The following DLGAP4 variants were observed in gnomAD, a reference collection of about 807,000 sequenced individuals.
DLGAP4 encodes DLG associated protein 4, also known as disks large-associated protein 4.
DLGAP4 carries 18 observed loss-of-function variants against 86.9 expected under a neutral mutation model. The observed-to-expected ratio is 0.21, with a 90% CI of 0.14 to 0.31. The LOEUF (loss-of-function observed/expected upper bound fraction) is 0.31, where lower values mean the gene tolerates loss of function less well. DLGAP4 is among the 10% of genes least tolerant of loss of function. The pLI, the probability that DLGAP4 is intolerant of heterozygous loss-of-function variation, is 1.00. For synonymous variants in DLGAP4, 548 were observed against 574.3 expected, an observed-to-expected ratio of 0.95 and a Z score of 0.65; for missense variants, 1,085 against 1,362.6, an observed-to-expected ratio of 0.80 and a Z score of 3.21.
intron 7 of DLGAP4, among the ~76,000 whole-genome samples, chr20:36,476,501 A>G (rs142708746): frequency 0.015 from 2,159 of 141,178 alleles, 27 homozygotes; most frequent in South Asian, 0.027. Flanking sequence ...CTAATTTTTT[A>G]TATTTTTAGT....
intron 2 of DLGAP4, among the ~76,000 whole-genome samples, chr20:36,377,945 A>G (rs1709335649): frequency 1.3e-5 from 2 of 152,328 alleles, no homozygotes; most frequent in South Asian, 4.1e-4. Flanking sequence ...CCCAGGCTCA[A>G]CGACTTCCGT....
rs572862353 is a variant in DLGAP4 at position 36,462,290 on chromosome 20, T to A, written c.1648+15353T>A. 1.2e-4 allele frequency: 156 copies of A among 1,321,328 alleles called. 2 individuals are homozygous for A. The South Asian group carries it at 2.5e-3, about 21-fold the overall frequency. 81.9% of individuals were successfully genotyped at this position (1,321,328 alleles called of 1,614,324 possible). On this transcript the variant is annotated intron_variant, in intron 7 of 12. Transcript: ENST00000339266. ...CCCCTGTCGCTGTCTCTCCTTGTTC[T>A]CTCTCAGGTCTCCGAGCACCCCCAC...
At chr20:36,399,290 G>A (rs1227159932) in intron 2 of DLGAP4, among the ~76,000 whole-genome samples, 1 of 152,210 alleles carries the variant, frequency 6.6e-6, no homozygotes, top group East Asian at 1.9e-4. Context: ...CAAGAGAATT[G>A]GGTTCCAGTG....
At chr20:36,499,503 A>G (rs773248811) in intron 8 of DLGAP4, 85 bp from the exon 9 acceptor site, 278 of 1,456,830 alleles carry the variant, frequency 1.9e-4, no homozygotes, top group Non-Finnish European at 2.1e-4. Context: ...CGTCCCACTA[A>G]TGTGAATTTC....
chr20:36,348,020 A>G (rs925274263), intron 1 of DLGAP4, among the ~76,000 whole-genome samples: 2 of 152,072 alleles, frequency 1.3e-5, no homozygotes, highest in African/African-American at 2.4e-5. Flanking sequence ...AGCTCCACCC[A>G]TCTTATCCAC....
At chr20:36,446,621 A>G in intron 6 of DLGAP4, 76 bp from the exon 7 acceptor site, 1 of 1,422,962 alleles carries the variant, frequency 7.0e-7, no homozygotes, top group South Asian at 1.3e-5. Flanking sequence ...CCCTGCCCTG[A>G]GCCCACCACC....
intron 10 of DLGAP4, among the ~76,000 whole-genome samples, chr20:36,512,931 CTTTTTTTTTTTTTTTTT>C (rs57978491): frequency 6.8e-4 from 16 of 23,534 alleles, no homozygotes; most frequent in East Asian, 1.1e-3. Flanking sequence ...CTCAGAGGCC[CTTTTTTTTTTTTTTTTT>C]TTTTTTTTTT....
chr20:36,502,943 T>C (rs1196400364), intron 10 of DLGAP4, among the ~76,000 whole-genome samples: 1 of 152,216 alleles, frequency 6.6e-6, no homozygotes, highest in East Asian at 1.9e-4. Context: ...CAGGCTGGTC[T>C]CAAACTCCTG....
chr20:36,438,355 CAG>C (rs2033345134), intron 4 of DLGAP4, among the ~76,000 whole-genome samples: 1 of 136,930 alleles, frequency 7.3e-6, no homozygotes, highest in Non-Finnish European at 1.6e-5. Context: ...GCCTGGGTGA[CAG>C]AGTGAGACTG....
rs909320753 is a variant in DLGAP4 at position 36,527,241 on chromosome 20, C to T, written c.*210C>T. 4.3e-6 allele frequency: 2 copies of T among 469,858 alleles called. No individual in the cohort carries two copies. The highest frequency in any genetic ancestry group is 4.0e-5 in the African/African-American group (2 of 50,602). 29.1% of individuals were successfully genotyped at this position (469,858 alleles called of 1,614,324 possible). A position where few individuals can be genotyped will look rare whatever the true frequency, so the allele number is the denominator to read the frequency against. On this transcript the variant is annotated 3_prime_UTR_variant, in exon 13 of 13. Coordinates refer to ENST00000339266, the MANE Select transcript of DLGAP4 (RefSeq NM_001365621.2). ...TGAAGATTTTACTCACAAAAAAAAT[C>T]AACAAAAATCACGAAACTAGAAAAC...
At chr20:36,447,406 T>C (rs1398514323) in intron 7 of DLGAP4, among the ~76,000 whole-genome samples, 2 of 152,172 alleles carry the variant, frequency 1.3e-5, no homozygotes, top group Non-Finnish European at 2.9e-5. Flanking sequence ...AATCAGGGAA[T>C]ACCTTCTGGA....
At chr20:36,483,487 T>C (rs935143514) in intron 7 of DLGAP4, among the ~76,000 whole-genome samples, 1 of 152,170 alleles carries the variant, frequency 6.6e-6, no homozygotes, top group Non-Finnish European at 1.5e-5. Flanking sequence ...TCCTTTTTTA[T>C]GTGTACTATG....
intron 10 of DLGAP4, among the ~76,000 whole-genome samples, chr20:36,522,331 G>A (rs763627733): frequency 1.3e-5 from 2 of 151,848 alleles, no homozygotes; most frequent in Non-Finnish European, 2.9e-5. Flanking sequence ...GCTAATTTTT[G>A]AATTTTTTCA....
intron 7 of DLGAP4, among the ~76,000 whole-genome samples, chr20:36,488,236 G>C (rs1419074678): frequency 6.6e-6 from 1 of 151,798 alleles, no homozygotes; most frequent in Non-Finnish European, 1.5e-5. Flanking sequence ...TGCAGCAGAG[G>C]GGCCATCGAG....
chr20:36,381,284 C>T (rs2031384293), intron 2 of DLGAP4, among the ~76,000 whole-genome samples: 1 of 152,196 alleles, frequency 6.6e-6, no homozygotes, highest in Non-Finnish European at 1.5e-5. Flanking sequence ...GGAAGATGGG[C>T]AAGGAAACAA....
At chr20:36,476,704 G>GTTT (rs1569513143) in intron 7 of DLGAP4, among the ~76,000 whole-genome samples, 2 of 47,850 alleles carry the variant, frequency 4.2e-5, no homozygotes, top group African/African-American at 1.7e-4. Flanking sequence ...TTTTTTTTTT[G>GTTT]GTTTTTTTTT....
intron 1 of DLGAP4, among the ~76,000 whole-genome samples, chr20:36,307,706 G>C (rs1402425352): frequency 7.2e-5 from 11 of 152,098 alleles, no homozygotes; most frequent in African/African-American, 2.7e-4. Context: ...TCCAGCCCCC[G>C]GGGGACTGGC....
chr20:36,525,831 G>C lies in DLGAP4; in HGVS notation c.2605-20G>C, dbSNP rs1385800013. The C allele has an allele frequency of 6.2e-7, 1 of 1,611,350 alleles. No homozygotes were observed. The highest frequency in any genetic ancestry group is 1.3e-5 in the African/African-American group (1 of 74,982). ...AAGCCTCTGCTGAGCTGGCCCCACT[G>C]ATCCCCATCTGGCCCACAGAACCCT... On this transcript the variant is annotated intron_variant, in intron 11 of 12. Coordinates refer to ENST00000339266, the MANE Select transcript of DLGAP4 (RefSeq NM_001365621.2).
intron 1 of DLGAP4, among the ~76,000 whole-genome samples, chr20:36,321,513 G>A (rs1258120314): frequency 1.3e-5 from 2 of 152,280 alleles, no homozygotes; most frequent in South Asian, 4.1e-4. Context: ...CCTCGGATGT[G>A]CTCTGCCCAG....
Sources: gnomAD v4.1 joint callset for allele counts (sites outside exome capture counted in the v4.1 genomes callset) on GRCh38, gnomAD v4.1.1 for gene constraint, MANE v1.5 for transcripts, NCBI Gene and HGNC (gene_info 2026-07-23, HGNC 2026-07-21) for gene names.